Variants in GRIK2 observed in about 807,000 individuals in gnomAD.
GRIK2 encodes the protein glutamate ionotropic receptor kainate type subunit 2, also known as glutamate receptor ionotropic, kainate 2.
A neutral mutation model predicts 100.3 loss-of-function variants in GRIK2; 32 were observed. The observed-to-expected ratio is 0.32, with a 90% CI of 0.24 to 0.43. GRIK2 has a LOEUF of 0.43. GRIK2 is among the 20% of genes least tolerant of loss of function. The pLI is 1.00. For synonymous variants in GRIK2, 417 were observed against 389.4 expected, an observed-to-expected ratio of 1.07 and a Z score of -0.83; for missense variants, 843 against 1,114.9, an observed-to-expected ratio of 0.76 and a Z score of 3.47.
intron 4 of GRIK2, among the ~76,000 whole-genome samples, chr6:101,674,862 C>G (rs1770711037): frequency 1.3e-5 from 2 of 151,900 alleles, no homozygotes; most frequent in African/African-American, 4.8e-5. Context: ...CAAAATATAC[C>G]AAGTATATTT....
At chr6:101,913,958 A>T (rs990068659) in intron 12 of GRIK2, among the ~76,000 whole-genome samples, 1 of 151,498 alleles carries the variant, frequency 6.6e-6, no homozygotes, top group African/African-American at 2.4e-5. Flanking sequence ...CAGATTCTTG[A>T]TCAATGAATA....
At chr6:101,889,942 A>C in intron 12 of GRIK2, 79 bp downstream of exon 12, 1 of 810,072 alleles carries the variant, frequency 1.2e-6, no homozygotes, top group Non-Finnish European at 2.1e-6. Flanking sequence ...AGTCACAATC[A>C]ATTTTACTTT....
At chr6:101,942,574 T>C (rs1791022012) in intron 14 of GRIK2, among the ~76,000 whole-genome samples, 1 of 152,184 alleles carries the variant, frequency 6.6e-6, no homozygotes, top group African/African-American at 2.4e-5. Context: ...TATTGGGAAC[T>C]GGAGTACAGG....
chr6:101,741,903 C>A (rs1043181936), intron 7 of GRIK2, among the ~76,000 whole-genome samples: 17 of 152,118 alleles, frequency 1.1e-4, no homozygotes, highest in African/African-American at 3.9e-4. Flanking sequence ...CATTATGTCC[C>A]AGTTTTATTT....
intron 16 of GRIK2, among the ~76,000 whole-genome samples, chr6:102,058,370 C>A (rs1176648304): frequency 1.3e-5 from 2 of 151,648 alleles, no homozygotes; most frequent in Admixed American, 1.3e-4. Context: ...ATTTACCTAC[C>A]TACCTATCTA....
chr6:101,759,901 G>A (rs1777391338), intron 7 of GRIK2, among the ~76,000 whole-genome samples: 1 of 132,160 alleles, frequency 7.6e-6, no homozygotes. Flanking sequence ...TTGAGACGGA[G>A]TCTCGCTCTG....
chr6:101,859,742 A>T (rs1393180669), intron 11 of GRIK2, among the ~76,000 whole-genome samples: 2 of 152,144 alleles, frequency 1.3e-5, no homozygotes, highest in African/African-American at 4.8e-5. Flanking sequence ...ATCTCTCTTG[A>T]TTATTACATT....
At chr6:102,014,752 T>A (rs1795744150) in intron 14 of GRIK2, among the ~76,000 whole-genome samples, 1 of 152,182 alleles carries the variant, frequency 6.6e-6, no homozygotes, top group South Asian at 2.1e-4. Flanking sequence ...TTTTGAGCAA[T>A]TTTCTTAGTC....
intron 7 of GRIK2, among the ~76,000 whole-genome samples, chr6:101,706,705 G>T (rs929075810): frequency 6.6e-6 from 1 of 151,870 alleles, no homozygotes; most frequent in African/African-American, 2.4e-5. Flanking sequence ...AAAATTCTTA[G>T]CCAGGCCAAT....
intron 9 of GRIK2, among the ~76,000 whole-genome samples, chr6:101,815,715 A>G (rs1447652273): frequency 2.0e-5 from 3 of 152,262 alleles, no homozygotes; most frequent in African/African-American, 7.2e-5. Context: ...CACTTTGTCC[A>G]TGTTTTTTGC....
At chr6:101,840,309 A>G (rs1463884715) in intron 10 of GRIK2, among the ~76,000 whole-genome samples, 4 of 152,338 alleles carry the variant, frequency 2.6e-5, no homozygotes, top group Admixed American at 1.3e-4. Context: ...AATCCTGAAT[A>G]TGTCAGATAC....
chr6:101,562,560 C>G (rs1777074119), intron 2 of GRIK2, among the ~76,000 whole-genome samples: 1 of 151,916 alleles, frequency 6.6e-6, no homozygotes, highest in African/African-American at 2.4e-5. Flanking sequence ...CCAGGCTGGT[C>G]TTGAATTTCT....
At chr6:101,851,131 A>AT (rs1439592457) in intron 10 of GRIK2, among the ~76,000 whole-genome samples, 1 of 151,934 alleles carries the variant, frequency 6.6e-6, no homozygotes, top group Non-Finnish European at 1.5e-5. Context: ...GACCACAAAT[A>AT]TTTTTTTCTA....
chr6:101,447,072 A>G (rs1770423350), intron 2 of GRIK2, among the ~76,000 whole-genome samples: 1 of 149,210 alleles, frequency 6.7e-6, no homozygotes, highest in Non-Finnish European at 1.5e-5. Flanking sequence ...TATATATTAC[A>G]GTAGCCCTTT....
intron 16 of GRIK2, among the ~76,000 whole-genome samples, chr6:102,055,914 AAGTG>A (rs1346370438): frequency 6.7e-6 from 1 of 149,310 alleles, no homozygotes; most frequent in Non-Finnish European, 1.5e-5. Flanking sequence ...ACAGTTAATT[AAGTG>A]AGTAAAAATT....
At chr6:101,879,212 T>C (rs886758649) in intron 11 of GRIK2, among the ~76,000 whole-genome samples, 6 of 152,068 alleles carry the variant, frequency 3.9e-5, no homozygotes, top group African/African-American at 1.4e-4. Flanking sequence ...AAGAGTACAA[T>C]ATTCCATGTA....
At chr6:102,000,404 T>G (rs1794877171) in intron 14 of GRIK2, among the ~76,000 whole-genome samples, 1 of 151,818 alleles carries the variant, frequency 6.6e-6, no homozygotes, top group South Asian at 2.1e-4. Context: ...AACTACCTGT[T>G]GGTACTATGC....
intron 7 of GRIK2, chr6:101,744,522 G>C (rs544759817): frequency 2.0e-5 from 1 of 50,340 alleles, no homozygotes; most frequent in South Asian, 7.1e-4. Flanking sequence ...GTGCGTGCGC[G>C]CATATATATA....
intron 14 of GRIK2, among the ~76,000 whole-genome samples, chr6:102,006,757 A>G (rs1163869326): frequency 6.6e-6 from 1 of 152,012 alleles, no homozygotes; most frequent in Non-Finnish European, 1.5e-5. Flanking sequence ...TGTTTATGGA[A>G]TAATGTTTTG....
Sources: allele counts gnomAD v4.1 joint callset (sites outside exome capture counted in the v4.1 genomes callset), GRCh38; gene constraint gnomAD v4.1.1; transcripts MANE v1.5; gene names NCBI Gene and HGNC (gene_info 2026-07-23, HGNC 2026-07-21).